Variants in NETO2 observed in about 807,000 individuals in gnomAD.
NETO2 encodes neuropilin and tolloid like 2.
In NETO2, 28 loss-of-function variants were observed where a neutral mutation model predicts 62.5. The observed-to-expected ratio is 0.45, with a 90% CI of 0.33 to 0.61. The LOEUF is 0.61. Ranked by LOEUF, NETO2 falls within the 20% of genes least tolerant of loss-of-function variation. The pLI is 0.02. For synonymous variants in NETO2, 214 were observed against 219.1 expected (o/e 0.98, Z 0.21); for missense variants, 548 against 643.2 (o/e 0.85, Z 1.60).
chr16:47,086,160 T>A, intron 8 of NETO2, 66 bp downstream of exon 8: 1 of 909,696 alleles, frequency 1.1e-6, no homozygotes, highest in Non-Finnish European at 1.8e-6. Context: ...AATAACATTT[T>A]AAGTTCTTAA....
At chr16:47,105,355 A>G (rs1250979612) in intron 7 of NETO2, among the ~76,000 whole-genome samples, 1 of 152,196 alleles carries the variant, frequency 6.6e-6, no homozygotes, top group Non-Finnish European at 1.5e-5. Context: ...TACATCAAAG[A>G]CTTAAATGTA....
At chr16:47,097,381 C>T (rs1187093415) in intron 7 of NETO2, among the ~76,000 whole-genome samples, 2 of 152,310 alleles carry the variant, frequency 1.3e-5, no homozygotes, top group Admixed American at 6.5e-5. Flanking sequence ...GTGGTTTTCC[C>T]CTCACAGTGT....
intron 6 of NETO2, among the ~76,000 whole-genome samples, chr16:47,121,207 C>G (rs1363706572): frequency 6.6e-6 from 1 of 152,158 alleles, no homozygotes; most frequent in Admixed American, 6.5e-5. Flanking sequence ...GTGAAACACT[C>G]AAATTCTTGG....
chr16:47,115,333 T>C (rs1963888983), intron 6 of NETO2, among the ~76,000 whole-genome samples: 1 of 150,252 alleles, frequency 6.7e-6, no homozygotes, highest in South Asian at 2.1e-4. Context: ...AGAACTGACA[T>C]TTTAGCACTA....
At chr16:47,139,156 G>A (rs557643437) in intron 1 of NETO2, among the ~76,000 whole-genome samples, 11 of 152,280 alleles carry the variant, frequency 7.2e-5, no homozygotes, top group Admixed American at 4.6e-4. Context: ...AAGACTGTCT[G>A]GCCTCAACAG....
In NETO2 at chr16:47,129,402, A is replaced by G. The variant is rs544314487; in HGVS notation, c.92-38T>C. The stretch of plus-strand genomic sequence containing the variant: ...CGGCATTTAAAACACTCATTACAGC[A>G]AAAGAGAATCATTCTTCTCTTTCCC... On this transcript the variant is annotated intron_variant, in intron 2 of 8. Transcript: ENST00000562435. 199 of 1,601,794 alleles carry G rather than the reference A, an allele frequency of 1.2e-4. 6 individuals are homozygous for G. In the South Asian group the frequency reaches 2.1e-3, roughly 17 times the overall value.
At position 47,096,109 on chromosome 16, in the gene NETO2, T is replaced by C. The variant is rs190514569; in HGVS notation, c.884-9770A>G. ...AATCCACGGGAAATTATAAGATACC[T>C]TGAGACAAATGAAACCCAAAACATG... On this transcript the variant is annotated intron_variant, in intron 7 of 8. Transcript: ENST00000562435. 9.2e-5 allele frequency among the ~76,000 whole-genome samples: 14 copies of C among 152,246 alleles called. No individual in the cohort carries two copies. The East Asian group carries it at 2.1e-3, about 23-fold the overall frequency.
In NETO2 at chr16:47,126,919, A is replaced by G. The variant is rs183369202; in HGVS notation, c.481+1406T>C. Reference sequence around the variant, plus strand: ...TGAAGCCAAGCTTAAAATTTCCTACATAAGTACTAACAGGCAAACATCTGT... The same window carrying G: ...TGAAGCCAAGCTTAAAATTTCCTACGTAAGTACTAACAGGCAAACATCTGT... On this transcript the variant is annotated intron_variant, in intron 4 of 8. Transcript: ENST00000562435. 5.7e-4 allele frequency among the ~76,000 whole-genome samples: 87 copies of G among 152,350 alleles called. 2 individuals are homozygous for G. The highest frequency in any genetic ancestry group is 3.9e-3 in the Admixed American group (59 of 15,300).
At chr16:47,134,128 A>G (rs905793655) in intron 1 of NETO2, among the ~76,000 whole-genome samples, 2 of 152,174 alleles carry the variant, frequency 1.3e-5, no homozygotes, top group Non-Finnish European at 2.9e-5. Flanking sequence ...AGTGGTTGGT[A>G]GACAGTTACC....
chr16:47,133,120 G>C (rs114323765), intron 1 of NETO2, among the ~76,000 whole-genome samples: 14 of 152,284 alleles, frequency 9.2e-5, no homozygotes, highest in African/African-American at 3.1e-4. Context: ...GTGAAACGGA[G>C]TTTAACAGGA....
chr16:47,137,757 AT>A (rs1223262441), intron 1 of NETO2, among the ~76,000 whole-genome samples: 4 of 152,084 alleles, frequency 2.6e-5, no homozygotes, highest in Non-Finnish European at 5.9e-5. Context: ...CTGTTTTTTA[AT>A]TTTTTTGTTC....
intron 7 of NETO2, among the ~76,000 whole-genome samples, chr16:47,091,558 A>G (rs1371810632): frequency 2.6e-5 from 4 of 152,226 alleles, no homozygotes; most frequent in Non-Finnish European, 5.9e-5. Flanking sequence ...GTGCAGAAAG[A>G]GTTAACATTA....
intron 7 of NETO2, among the ~76,000 whole-genome samples, chr16:47,107,689 T>C (rs1412112507): frequency 6.6e-6 from 1 of 152,126 alleles, no homozygotes; most frequent in African/African-American, 2.4e-5. Context: ...TAATTCGGTA[T>C]GTTGAGAGGA....
intron 6 of NETO2, among the ~76,000 whole-genome samples, chr16:47,119,138 T>C (rs1002777557): frequency 2.6e-5 from 4 of 151,682 alleles, no homozygotes; most frequent in African/African-American, 9.7e-5. Flanking sequence ...CTAATATTAT[T>C]TATGTTTTTT....
chr16:47,084,873 G>T (rs1963150186), intron 8 of NETO2, among the ~76,000 whole-genome samples: 1 of 152,134 alleles, frequency 6.6e-6, no homozygotes, highest in South Asian at 2.1e-4. Flanking sequence ...ATGGTGAGTT[G>T]TATGATTATT....
chr16:47,085,466 C>T, intron 8 of NETO2, among the ~76,000 whole-genome samples: 1 of 152,064 alleles, frequency 6.6e-6, no homozygotes, highest in East Asian at 1.9e-4. Context: ...ACTGCAACCT[C>T]TGCCTGCCGA....
chr16:47,099,735 G>A (rs1963503294), intron 7 of NETO2, among the ~76,000 whole-genome samples: 1 of 152,106 alleles, frequency 6.6e-6, no homozygotes, highest in Non-Finnish European at 1.5e-5. Flanking sequence ...TAATGGTAAA[G>A]GGATCAACGC....
At chr16:47,111,303 G>T (rs970861100) in intron 6 of NETO2, among the ~76,000 whole-genome samples, 1 of 152,080 alleles carries the variant, frequency 6.6e-6, no homozygotes, top group Non-Finnish European at 1.5e-5. Context: ...TTTACTCTCT[G>T]CTTTTCTTTT....
At chr16:47,128,637 C>T (rs1386622894) in intron 3 of NETO2, 64 bp from the exon 4 acceptor site, 1 of 1,540,994 alleles carries the variant, frequency 6.5e-7, no homozygotes, top group Non-Finnish European at 8.7e-7. Context: ...TGTATTGACA[C>T]AAATGAGAAA....
Sources: gnomAD v4.1 joint callset for allele counts (sites outside exome capture counted in the v4.1 genomes callset) on GRCh38, gnomAD v4.1.1 for gene constraint, MANE v1.5 for transcripts, NCBI Gene and HGNC (gene_info 2026-07-23, HGNC 2026-07-21) for gene names.